ADAMTSL1: variants seen among roughly 807,000 people sequenced by gnomAD.
The protein encoded by ADAMTSL1 is ADAMTS like 1, also known as ADAMTS-like protein 1.
ADAMTSL1 carries 126 observed loss-of-function variants against 201.8 expected under a neutral mutation model. That is an observed-to-expected ratio of 0.62 (90% CI 0.54 to 0.72). The LOEUF is 0.72. ADAMTSL1 is among the 30% of genes least tolerant of loss of function. ADAMTSL1 has a pLI of 0.00. For synonymous variants in ADAMTSL1, 1,121 were observed against 903.4 expected, an observed-to-expected ratio of 1.24 and a Z score of -4.32; for missense variants, 2,679 against 2,277.8, an observed-to-expected ratio of 1.18 and a Z score of -3.59.
At chr9:18,864,761 A>G (rs1008792548) in intron 23 of ADAMTSL1, among the ~76,000 whole-genome samples, 8 of 152,332 alleles carry the variant, frequency 5.3e-5, no homozygotes, top group African/African-American at 1.7e-4. Flanking sequence ...AGTGAAGTCA[A>G]TGGGAAAAAG....
In ADAMTSL1 at chr9:18,701,738, A is replaced by G. The variant is rs139109313; in HGVS notation, c.1575-5009A>G. Among the ~76,000 whole-genome samples, 1,030 of 152,296 alleles carry G rather than the reference A, an allele frequency of 6.8e-3. 11 individuals are homozygous for G. Among genetic ancestry groups the G allele is most frequent in the African/African-American group, 0.022 (928 of 41,570 alleles). On this transcript the variant is annotated intron_variant, in intron 13 of 28. Coordinates refer to ENST00000380548, the MANE Select transcript of ADAMTSL1 (RefSeq NM_001040272.6). ...AGACTTCCTGCATGTTTCAATTTGCATTTTTAAATTAGGGCATGAAACTAG... is the reference window on the plus strand; with the variant it reads ...AGACTTCCTGCATGTTTCAATTTGCGTTTTTAAATTAGGGCATGAAACTAG...
At chr9:18,161,896 A>G (rs974898529) in intron 1 of ADAMTSL1, among the ~76,000 whole-genome samples, 3 of 152,010 alleles carry the variant, frequency 2.0e-5, no homozygotes, top group African/African-American at 7.2e-5. Flanking sequence ...CTTGTTTAGT[A>G]TTTGTTAGTT....
intron 7 of ADAMTSL1, among the ~76,000 whole-genome samples, chr9:18,653,980 C>T (rs1165424463): frequency 1.3e-5 from 2 of 152,218 alleles, no homozygotes; most frequent in African/African-American, 4.8e-5. Flanking sequence ...GTAATCCCAA[C>T]ACTTTGGGAG....
chr9:18,859,998 A>AAT, intron 23 of ADAMTSL1, among the ~76,000 whole-genome samples: 1 of 152,340 alleles, frequency 6.6e-6, no homozygotes. Context: ...AAGATTTATT[A>AAT]ATCTGCCTAA....
chr9:18,830,938 C>T (rs1319567340), intron 23 of ADAMTSL1, among the ~76,000 whole-genome samples: 1 of 152,182 alleles, frequency 6.6e-6, no homozygotes, highest in Non-Finnish European at 1.5e-5. Context: ...ATTCCTGTGG[C>T]TCAAAGTTTA....
At chr9:18,399,320 T>C (rs1482714754) in intron 2 of ADAMTSL1, among the ~76,000 whole-genome samples, 10 of 129,844 alleles carry the variant, frequency 7.7e-5, no homozygotes, top group African/African-American at 2.0e-4. Context: ...TATATATATA[T>C]ATATATATAA....
chr9:18,068,538 C>T (rs1822812406), intron 1 of ADAMTSL1, among the ~76,000 whole-genome samples: 1 of 151,932 alleles, frequency 6.6e-6, no homozygotes, highest in African/African-American at 2.4e-5. Context: ...TCCATGGATA[C>T]CAATGAACAA....
chr9:17,974,390 C>T (rs1387567560), intron 1 of ADAMTSL1, among the ~76,000 whole-genome samples: 1 of 152,064 alleles, frequency 6.6e-6, no homozygotes, highest in African/African-American at 2.4e-5. Context: ...TAAGCAACTT[C>T]AGCAAAGTTC....
At chr9:18,905,431 G>A (rs1186995503) in intron 26 of ADAMTSL1, 1 of 228,586 alleles carries the variant, frequency 4.4e-6, no homozygotes, top group East Asian at 1.0e-4. Flanking sequence ...AAGGGGTGGA[G>A]CTATTTAAGG....
chr9:18,313,035 G>A (rs185475311), intron 2 of ADAMTSL1, among the ~76,000 whole-genome samples: 41 of 152,276 alleles, frequency 2.7e-4, no homozygotes, highest in African/African-American at 9.6e-4. Context: ...TCATGACTGT[G>A]GCCTGAAATA....
chr9:18,410,757 A>T (rs1181929535), intron 2 of ADAMTSL1, among the ~76,000 whole-genome samples: 2 of 152,232 alleles, frequency 1.3e-5, no homozygotes, highest in African/African-American at 4.8e-5. Flanking sequence ...TTGCTGGGTC[A>T]AATGGTATTT....
chr9:18,295,412 C>G (rs1304077639), intron 2 of ADAMTSL1, among the ~76,000 whole-genome samples: 1 of 151,658 alleles, frequency 6.6e-6, no homozygotes, highest in African/African-American at 2.4e-5. Flanking sequence ...GATCTTGGCT[C>G]ACTGCAACCT....
intron 9 of ADAMTSL1, among the ~76,000 whole-genome samples, chr9:18,675,300 A>G (rs1830072578): frequency 6.6e-6 from 1 of 152,118 alleles, no homozygotes; most frequent in Non-Finnish European, 1.5e-5. Context: ...CCCTCCCCTT[A>G]TAAAATACCC....
chr9:18,886,322 G>T (rs761292082), intron 23 of ADAMTSL1, among the ~76,000 whole-genome samples: 1 of 151,092 alleles, frequency 6.6e-6, no homozygotes, highest in African/African-American at 2.4e-5. Context: ...GGAGTTGGAG[G>T]TTGCTGTGAG....
At chr9:18,278,975 G>A (rs151026380) in intron 2 of ADAMTSL1, among the ~76,000 whole-genome samples, 3 of 151,980 alleles carry the variant, frequency 2.0e-5, no homozygotes, top group African/African-American at 7.2e-5. Flanking sequence ...AAACTTTGCA[G>A]TTGAGGCATT....
chr9:18,390,878 A>C (rs2133221343), intron 2 of ADAMTSL1, among the ~76,000 whole-genome samples: 1 of 152,368 alleles, frequency 6.6e-6, no homozygotes, highest in South Asian at 2.1e-4. Flanking sequence ...AGTATAAGTA[A>C]GTCTGTCCAA....
chr9:18,383,129 T>G (rs951654843), intron 2 of ADAMTSL1, among the ~76,000 whole-genome samples: 46 of 152,304 alleles, frequency 3.0e-4, no homozygotes, highest in African/African-American at 1.1e-3. Flanking sequence ...AGATTAACTT[T>G]CCTAATCTAT....
At chr9:18,569,357 CG>C (rs1345806550) in intron 3 of ADAMTSL1, among the ~76,000 whole-genome samples, 1 of 152,074 alleles carries the variant, frequency 6.6e-6, no homozygotes, top group Admixed American at 6.5e-5. Flanking sequence ...GCTTAAAACT[CG>C]GGGAGAGAAA....
At chr9:17,979,973 G>A (rs908433807) in intron 1 of ADAMTSL1, among the ~76,000 whole-genome samples, 1 of 152,088 alleles carries the variant, frequency 6.6e-6, no homozygotes, top group Non-Finnish European at 1.5e-5. Flanking sequence ...TGGAACCGTG[G>A]AAACCAGCTT....
Sources: allele counts gnomAD v4.1 joint callset (sites outside exome capture counted in the v4.1 genomes callset), GRCh38; gene constraint gnomAD v4.1.1; transcripts MANE v1.5; gene names NCBI Gene and HGNC (gene_info 2026-07-23, HGNC 2026-07-21).